MCCD1: variants seen among roughly 807,000 people sequenced by gnomAD.
MCCD1 encodes mitochondrial coiled-coil domain 1.
In MCCD1, 5 loss-of-function variants were observed where a neutral mutation model predicts 5.6. That is an observed-to-expected ratio of 0.89 (90% CI 0.46 to 1.87). The LOEUF is 1.87. MCCD1 is among the 40% of genes most tolerant of loss of function. The probability of loss-of-function intolerance (pLI) is 0.01; values close to 1 mark genes in which losing one functional copy is unlikely to be tolerated. For missense variants in MCCD1, 178 were observed against 141.8 expected, an observed-to-expected ratio of 1.26 and a Z score of -1.30; for synonymous variants, 70 against 57.3, an observed-to-expected ratio of 1.22 and a Z score of -1.00.
rs181613951 is a variant in MCCD1 at position 31,529,205 on chromosome 6, G to A, written c.171+20G>A. ...CCCAGGGTAAGTGGCACCACAGGTA[G>A]GAACAGAGGGTGTGAGAATTTACAC... On this transcript the variant is annotated intron_variant, in intron 1 of 1. Transcript: ENST00000376191. 18,724 of 1,607,608 alleles carry A rather than the reference G, an allele frequency of 0.012. 169 individuals are homozygous for A. The highest frequency in any genetic ancestry group is 0.034 in the South Asian group (3,074 of 90,772).
intron 1 of MCCD1, 77 bp from the exon 2 acceptor site, chr6:31,529,670 C>A: frequency 7.3e-7 from 1 of 1,362,334 alleles, no homozygotes; most frequent in Non-Finnish European, 9.5e-7. Flanking sequence ...CACTTCCAGC[C>A]ACAGCCTGCA....
Position 31,529,186 on chromosome 6 carries a change from G to GT in MCCD1, c.171+2dup, listed in dbSNP as rs749580796. 4 of 1,612,090 alleles carry GT rather than the reference G, an allele frequency of 2.5e-6. No homozygotes were observed. Among genetic ancestry groups the GT allele is most frequent in the Non-Finnish European group, 3.4e-6 (4 of 1,179,538 alleles). On this transcript the variant is annotated splice_donor_variant, in intron 1 of 1. Transcript: ENST00000376191. LOFTEE classifies it high-confidence loss of function. ...TGGGAAGATGACGTCCCCTCCCAGG[G>GT]TAAGTGGCACCACAGGTAGGAACAG...
chr6:31,529,785 TGAAGAGTTGTTGGAGCAGCAGCTG>T lies in MCCD1; in HGVS notation c.213_236del (p.Glu72_Glu79del). 1 of 1,568,778 alleles carries T rather than the reference TGAAGAGTTGTTGGAGCAGCAGCTG, an allele frequency of 6.4e-7. No individual in the cohort carries two copies. The highest frequency in any genetic ancestry group is 8.7e-7 in the Non-Finnish European group (1 of 1,153,854). ...ACCGCACAGCTGAGCTGGCCCGAGC[TGAAGAGTTGTTGGAGCAGCAGCTG>T]GAGCTGTACCAGGCCCTCCTTGAAG... On this transcript the variant is annotated inframe_deletion, in exon 2 of 2. Coordinates refer to ENST00000376191, the MANE Select transcript of MCCD1 (RefSeq NM_001011700.3).
In MCCD1 at chr6:31,530,181, A is replaced by G; in HGVS notation, c.*246A>G. 1 of 828,328 alleles carries G rather than the reference A, an allele frequency of 1.2e-6. No homozygotes were observed. The highest frequency in any genetic ancestry group is 2.7e-5 in the East Asian group (1 of 36,518). 51.3% of individuals were successfully genotyped at this position (828,328 alleles called of 1,614,324 possible). On this transcript the variant is annotated 3_prime_UTR_variant, in exon 2 of 2. Transcript: ENST00000376191. The surrounding 1 kb of genome is among the most constrained non-coding windows in gnomAD (Gnocchi z 4.5). ...GAATTCACCCTGGACCATGCCCTAA[A>G]ATAACCTCACCCCAAATACAATAAA... is the stretch of plus-strand genomic sequence containing the variant.
rs1562399481 is a variant in MCCD1, at chr6:31,529,889, A to G, written c.314A>G (p.Lys105Arg). ...CTGGTGCTCAAGATCCAGAAGCTGAAGGAACAGATGAGGAGGCACCAAGAG... is the reference window on the plus strand; with the variant it reads ...CTGGTGCTCAAGATCCAGAAGCTGAGGGAACAGATGAGGAGGCACCAAGAG... Reference protein sequence around the residue: ...QALVLKIQKLKEQMRRHQESL... With the variant: ...QALVLKIQKLREQMRRHQESL... Residue 105 changes from lysine to arginine, a missense_variant, in exon 2 of 2, where the codon AAG becomes AGG. Lys to Arg is a conservative substitution (Grantham distance 26). Transcript: ENST00000376191. 1 of 1,562,984 alleles carries G rather than the reference A, an allele frequency of 6.4e-7. No homozygotes were observed. Among genetic ancestry groups the G allele is most frequent in the Non-Finnish European group, 8.7e-7 (1 of 1,154,810 alleles).
In MCCD1 at chr6:31,529,778, CCCGAGCTGAAGAGTT is replaced by C; in HGVS notation, c.204_218del (p.Arg69_Leu73del). On this transcript the variant is annotated inframe_deletion, in exon 2 of 2. Coordinates refer to ENST00000376191, the MANE Select transcript of MCCD1 (RefSeq NM_001011700.3). ...GGGACCCACCGCACAGCTGAGCTGG[CCCGAGCTGAAGAGTT>C]GTTGGAGCAGCAGCTGGAGCTGTAC... 6.4e-7 allele frequency: 1 copy of C among 1,559,230 alleles called. No homozygotes were observed. Among genetic ancestry groups the C allele is most frequent in the Non-Finnish European group, 8.7e-7 (1 of 1,148,330 alleles).
In MCCD1 at chr6:31,530,162, AC is replaced by A; in HGVS notation, c.*230del. 1 of 926,408 alleles carries A rather than the reference AC, an allele frequency of 1.1e-6. No homozygotes were observed. The highest frequency in any genetic ancestry group is 1.6e-6 in the Non-Finnish European group (1 of 638,274). The allele number at this position is 926,408 out of a possible 1,614,324, so 57.4% of individuals were successfully genotyped here. On this transcript the variant is annotated 3_prime_UTR_variant, in exon 2 of 2. Transcript: ENST00000376191. The surrounding 1 kb of genome is among the most constrained non-coding windows in gnomAD (Gnocchi z 4.5). Reference sequence around the variant, plus strand: ...GGGCACCCAGGCCTTATAGGAATTCACCCTGGACCATGCCCTAAAATAACCT... The same window carrying A: ...GGGCACCCAGGCCTTATAGGAATTCACCTGGACCATGCCCTAAAATAACCT...
intron 1 of MCCD1, 51 bp downstream of exon 1, chr6:31,529,236 T>G: frequency 1.9e-6 from 3 of 1,567,938 alleles, no homozygotes; most frequent in Non-Finnish European, 2.6e-6. Context: ...TACACTGGGG[T>G]GTGGGAAAAA....
At chr6:31,529,556 T>C (rs1258309912) in intron 1 of MCCD1, among the ~76,000 whole-genome samples, 191 bp from the exon 2 acceptor site, 6 of 152,134 alleles carry the variant, frequency 3.9e-5, no homozygotes, top group African/African-American at 9.7e-5. Flanking sequence ...CTCCCCCTAC[T>C]ACCACCCAGA....
Position 31,529,905 on chromosome 6 carries a change from G to T in MCCD1, c.330G>T (p.Arg110Ser). Residue 110 changes from arginine to serine, a missense_variant, in exon 2 of 2, where the codon AGG becomes AGT. Transcript: ENST00000376191. ...KIQKLKEQMR[R>S]HQESLGGGA ...AGAAGCTGAAGGAACAGATGAGGAG[G>T]CACCAAGAGAGCCTTGGAGGAGGCG... 6.5e-7 allele frequency: 1 copy of T among 1,547,566 alleles called. No individual in the cohort carries two copies.
At chr6:31,529,211 G>C in intron 1 of MCCD1, 26 bp downstream of exon 1, 10 of 1,605,586 alleles carry the variant, frequency 6.2e-6, no homozygotes, top group Non-Finnish European at 8.5e-6. Flanking sequence ...GGTAGGAACA[G>C]AGGGTGTGAG....
rs1237787994 is a variant in MCCD1 at position 31,529,817 on chromosome 6, A to G, written c.242A>G (p.Tyr81Cys). Residue 81 changes from tyrosine (Y) to cysteine (C), a missense_variant, in exon 2 of 2, where the codon TAC becomes TGC. Tyr to Cys is a radical substitution (Grantham distance 194). Coordinates refer to ENST00000376191, the MANE Select transcript of MCCD1 (RefSeq NM_001011700.3). The stretch of plus-strand genomic sequence containing the variant: ...TTGTTGGAGCAGCAGCTGGAGCTGT[A>G]CCAGGCCCTCCTTGAAGGGCAGGAG... ...EELLEQQLELYQALLEGQEGA... is the reference protein window; with the variant it reads ...EELLEQQLELCQALLEGQEGA... The G allele has an allele frequency of 6.2e-7, 1 of 1,600,826 alleles. No individual in the cohort carries two copies. The highest frequency in any genetic ancestry group is 2.3e-5 in the East Asian group (1 of 44,424).
intron 1 of MCCD1, among the ~76,000 whole-genome samples, 193 bp downstream of exon 1, chr6:31,529,378 C>A: frequency 6.6e-6 from 1 of 150,522 alleles, no homozygotes; most frequent in South Asian, 2.1e-4. Context: ...TCACCCCACC[C>A]CCACCCACAA....
Position 31,530,211 on chromosome 6 carries a change from C to T in MCCD1, c.*276C>T, listed in dbSNP as rs1003095539. 8 of 770,492 alleles carry T rather than the reference C, an allele frequency of 1.0e-5. No homozygotes were observed. The highest frequency in any genetic ancestry group is 8.8e-5 in the African/African-American group (5 of 56,516). The allele number at this position is 770,492 out of a possible 1,614,324, so 47.7% of individuals were successfully genotyped here. On this transcript the variant is annotated 3_prime_UTR_variant, in exon 2 of 2. Transcript: ENST00000376191. The surrounding 1 kb of genome is among the most constrained non-coding windows in gnomAD (Gnocchi z 4.5). ...CCTCACCCCAAATACAATAAAGGGACGAAGCACTTATAGATACCACAGACA... is the reference window on the plus strand; with the variant it reads ...CCTCACCCCAAATACAATAAAGGGATGAAGCACTTATAGATACCACAGACA...
Position 31,529,748 on chromosome 6 carries a change from G to T in MCCD1, c.173G>T (p.Gly58Val). Reference sequence around the variant, plus strand: ...TCCCTCCCTTAATTCCCTGACCAGGGCCCTGGGACCCACCGCACAGCTGAG... The same window carrying T: ...TCCCTCCCTTAATTCCCTGACCAGGTCCCTGGGACCCACCGCACAGCTGAG... ...GNGKMTSPPR[G>V]PGTHRTAELA... The change falls in exon 2 of 2, where the codon GGC (glycine) becomes GTC (valine). Residue 58 changes from glycine (G) to valine (V), a missense_variant and splice_region_variant. Coordinates refer to ENST00000376191, the MANE Select transcript of MCCD1 (RefSeq NM_001011700.3). 1 of 1,478,062 alleles carries T rather than the reference G, an allele frequency of 6.8e-7. No homozygotes were observed. The allele number at this position is 1,478,062 out of a possible 1,614,324, so 91.6% of individuals were successfully genotyped here.
At chr6:31,529,206 G>T in intron 1 of MCCD1, 21 bp downstream of exon 1, 1 of 1,607,694 alleles carries the variant, frequency 6.2e-7, no homozygotes, top group Non-Finnish European at 8.5e-7. Flanking sequence ...CCACAGGTAG[G>T]AACAGAGGGT....
rs763995326 is a variant in MCCD1 at position 31,529,121 on chromosome 6, C to G, written c.107C>G (p.Pro36Arg). Residue 36 changes from proline to arginine, a missense_variant, in exon 1 of 2, where the codon CCC (proline) becomes CGC (arginine). Physicochemically the swap from Pro to Arg is moderately radical, Grantham distance 103. Coordinates refer to ENST00000376191, the MANE Select transcript of MCCD1 (RefSeq NM_001011700.3). ...QGSHGCCSQN[P>R]KASMEEQTSS... ...TCCCATGGGTGCTGCTCCCAAAACC[C>G]CAAAGCAAGCATGGAAGAGCAGACC... 3.1e-6 allele frequency: 5 copies of G among 1,612,762 alleles called. No homozygotes were observed. Among genetic ancestry groups the G allele is most frequent in the Non-Finnish European group, 4.2e-6 (5 of 1,179,894 alleles).
In MCCD1 at chr6:31,528,970, G is replaced by A. The variant is rs775978538; in HGVS notation, c.-45G>A. The A allele has an allele frequency of 1.9e-6, 3 of 1,578,122 alleles. No individual in the cohort carries two copies. The highest frequency in any genetic ancestry group is 2.3e-5 in the East Asian group (1 of 44,414). ...AAGTCCTGGAGCGAACCAGTTCCTG[G>A]TGGCCGTTGGACAGCTCACACAGCT... On this transcript the variant is annotated 5_prime_UTR_variant, in exon 1 of 2. It adds an upstream start codon to the 5' untranslated region. Transcript: ENST00000376191.
Position 31,529,979 on chromosome 6 carries a change from C to G in MCCD1, c.*44C>G, listed in dbSNP as rs1425689961. ...AGCACCCTCCGGCGCTGAAAATACACGCACCACCCACCAGGAGCCTTGGGA... is the reference window on the plus strand; with the variant it reads ...AGCACCCTCCGGCGCTGAAAATACAGGCACCACCCACCAGGAGCCTTGGGA... On this transcript the variant is annotated 3_prime_UTR_variant, in exon 2 of 2. Coordinates refer to ENST00000376191, the MANE Select transcript of MCCD1 (RefSeq NM_001011700.3). The G allele has an allele frequency of 5.5e-6, 8 of 1,444,276 alleles. No individual in the cohort carries two copies. The Admixed American group carries it at 2.2e-4, about 39-fold the overall frequency. The allele number at this position is 1,444,276 out of a possible 1,614,324, so 89.5% of individuals were successfully genotyped here.
Sources: allele counts gnomAD v4.1 joint callset (sites outside exome capture counted in the v4.1 genomes callset), GRCh38; gene constraint gnomAD v4.1.1; non-coding constraint Gnocchi (gnomAD v3.1); transcripts MANE v1.5; gene names NCBI Gene and HGNC (gene_info 2026-07-23, HGNC 2026-07-21).